SLC13A3: variants seen among roughly 807,000 people sequenced by gnomAD.
SLC13A3 encodes solute carrier family 13 member 3.
A neutral mutation model predicts 59.0 loss-of-function variants in SLC13A3; 40 were observed. That is an observed-to-expected ratio of 0.68 (90% CI 0.53 to 0.88). The LOEUF (loss-of-function observed/expected upper bound fraction) is 0.88. SLC13A3 is among the 40% of genes least tolerant of loss of function. SLC13A3 has a pLI of 0.00. For missense variants in SLC13A3, 699 were observed against 783.2 expected, an observed-to-expected ratio of 0.89 and a Z score of 1.28; for synonymous variants, 317 against 330.3, an observed-to-expected ratio of 0.96 and a Z score of 0.44.
intron 1 of SLC13A3, among the ~76,000 whole-genome samples, chr20:46,675,297 T>G (rs1490925574): frequency 6.6e-6 from 1 of 151,584 alleles, no homozygotes; most frequent in Non-Finnish European, 1.5e-5. Context: ...TGGCGCAATC[T>G]CATCTCACTG....
At chr20:46,640,653 AG>A (rs755233261) in intron 1 of SLC13A3, among the ~76,000 whole-genome samples, 3 of 152,112 alleles carry the variant, frequency 2.0e-5, no homozygotes, top group Non-Finnish European at 2.9e-5. Context: ...GGCTCAGGGG[AG>A]GGAAATCACT....
intron 2 of SLC13A3, 120 bp downstream of exon 2, chr20:46,613,340 T>TAAATAAA: frequency 1.3e-6 from 1 of 742,706 alleles, no homozygotes; most frequent in Non-Finnish European, 1.9e-6. Flanking sequence ...AATAAATAAA[T>TAAATAAA]GGTGGGAACC....
intron 10 of SLC13A3, among the ~76,000 whole-genome samples, chr20:46,568,401 CAAAAAAAAAA>C (rs66526539): frequency 2.2e-4 from 13 of 58,710 alleles, no homozygotes; most frequent in South Asian, 7.3e-4. Flanking sequence ...GACTCCATCT[CAAAAAAAAAA>C]AAAAAAAAAA....
intron 12 of SLC13A3, among the ~76,000 whole-genome samples, chr20:46,561,579 A>G (rs953195870): frequency 1.3e-5 from 2 of 151,268 alleles, no homozygotes; most frequent in African/African-American, 2.4e-5. Context: ...TGGCCATGGC[A>G]TATATTAATA....
intron 1 of SLC13A3, among the ~76,000 whole-genome samples, chr20:46,678,519 T>C (rs1429772914): frequency 1.3e-5 from 2 of 152,172 alleles, no homozygotes; most frequent in Admixed American, 1.3e-4. Context: ...CTTCCTCTCA[T>C]TGACTCTTTA....
chr20:46,647,552 T>C (rs1031172874), intron 1 of SLC13A3, among the ~76,000 whole-genome samples: 3 of 152,138 alleles, frequency 2.0e-5, no homozygotes, highest in East Asian at 1.9e-4. Flanking sequence ...GCACTCTTCA[T>C]AGCAAGAGCT....
chr20:46,563,407 G>T lies in SLC13A3; in HGVS notation c.1632+7C>A. 6.2e-7 allele frequency: 1 copy of T among 1,613,062 alleles called. No homozygotes were observed. Among genetic ancestry groups the T allele is most frequent in the Non-Finnish European group, 8.5e-7 (1 of 1,179,480 alleles). The stretch of plus-strand genomic sequence containing the variant: ...CGGGGCCTCTGCTGGGAAATGCCCA[G>T]ACTCACCATGTCTTTGACCAGCAAG... On this transcript the variant is annotated splice_region_variant and intron_variant, in intron 12 of 12. Transcript: ENST00000279027.
chr20:46,649,552 G>A (rs1029846252), intron 1 of SLC13A3, among the ~76,000 whole-genome samples: 3 of 152,064 alleles, frequency 2.0e-5, no homozygotes, highest in African/African-American at 4.8e-5. Context: ...CTATGGCCTC[G>A]CAGACAGCAA....
At chr20:46,624,129 T>C (rs527253347) in intron 1 of SLC13A3, among the ~76,000 whole-genome samples, 29 of 152,316 alleles carry the variant, frequency 1.9e-4, no homozygotes, top group Non-Finnish European at 2.5e-4. Flanking sequence ...CCACAAGGCA[T>C]GCTAATAATA....
intron 1 of SLC13A3, among the ~76,000 whole-genome samples, chr20:46,684,135 T>C (rs1160941795): frequency 6.6e-6 from 1 of 152,192 alleles, no homozygotes; most frequent in Non-Finnish European, 1.5e-5. Context: ...GGGATGTTTC[T>C]TCTTCGCCAA....
intron 12 of SLC13A3, 85 bp downstream of exon 12, chr20:46,563,329 G>A (rs1470394816): frequency 1.3e-6 from 2 of 1,490,030 alleles, no homozygotes; most frequent in Non-Finnish European, 1.8e-6. Flanking sequence ...GGGTCAGCGT[G>A]CAGGAGTCCT....
At position 46,632,932 on chromosome 20, in the gene SLC13A3, T is replaced by G. The variant is rs374506244; in HGVS notation, c.111+18379A>C. 1.3e-3 allele frequency among the ~76,000 whole-genome samples: 112 copies of G among 84,780 alleles called. 1 individual carries two copies. The highest frequency in any genetic ancestry group is 3.1e-3 in the African/African-American group (70 of 22,710). The allele number at this position is 84,780 out of a possible 152,430, so 55.6% of individuals were successfully genotyped here. ...AGATATATCTATCTATCTATCTATC[T>G]ATCTATCTATCTATCTATCTATCTA... On this transcript the variant is annotated intron_variant, in intron 1 of 12. Transcript: ENST00000279027.
chr20:46,652,266 C>T (rs2122890624), upstream of SLC13A3, among the ~76,000 whole-genome samples: 1 of 152,318 alleles, frequency 6.6e-6, no homozygotes, highest in East Asian at 1.9e-4. Context: ...TAGTCTACAC[C>T]AGACAAGAAG....
rs568633286 is a variant in SLC13A3, at chr20:46,602,943, C to T, written c.542-2906G>A. 2.0e-5 allele frequency among the ~76,000 whole-genome samples: 3 copies of T among 152,208 alleles called. No homozygotes were observed. In the South Asian group the frequency reaches 6.2e-4, roughly 32 times the overall value. On this transcript the variant is annotated intron_variant, in intron 3 of 12. Coordinates refer to ENST00000279027, the MANE Select transcript of SLC13A3 (RefSeq NM_022829.6). ...CCTGTAATCCCAGCACTTTGGGAAG[C>T]CGAGGTGGGCAGATCACCTGAGGTC...
At chr20:46,633,005 C>T (rs2062760633) in intron 1 of SLC13A3, among the ~76,000 whole-genome samples, 1 of 151,900 alleles carries the variant, frequency 6.6e-6, no homozygotes, top group African/African-American at 2.4e-5. Flanking sequence ...TATCATCTAT[C>T]TATCTGGAGA....
intron 8 of SLC13A3, among the ~76,000 whole-genome samples, chr20:46,587,773 G>T (rs1019665017): frequency 3.3e-5 from 5 of 152,192 alleles, no homozygotes; most frequent in African/African-American, 1.2e-4. Flanking sequence ...TTGAATGAAT[G>T]AACGATTTGC....
At chr20:46,651,575 C>T, upstream of SLC13A3, 4 of 1,299,470 alleles carry the variant, frequency 3.1e-6, no homozygotes, top group Non-Finnish European at 3.9e-6. Context: ...TGCCTGCGCC[C>T]CTGGGACCGG....
chr20:46,575,009 G>A (rs1348500662), intron 10 of SLC13A3, among the ~76,000 whole-genome samples: 3 of 151,836 alleles, frequency 2.0e-5, no homozygotes, highest in African/African-American at 7.3e-5. Flanking sequence ...GGCATGGGGA[G>A]GCATCCCTGC....
chr20:46,600,219 A>G (rs1226922894), intron 3 of SLC13A3, among the ~76,000 whole-genome samples, 182 bp from the exon 4 acceptor site: 2 of 115,352 alleles, frequency 1.7e-5, no homozygotes, highest in Non-Finnish European at 3.4e-5. Context: ...AGGAAGGGAG[A>G]GAGGGGGAGG....
Sources: gnomAD v4.1 joint callset for allele counts (sites outside exome capture counted in the v4.1 genomes callset) on GRCh38, gnomAD v4.1.1 for gene constraint, MANE v1.5 for transcripts, NCBI Gene and HGNC (gene_info 2026-07-23, HGNC 2026-07-21) for gene names.